The following TMEM132C variants were observed in gnomAD, a reference collection of about 807,000 sequenced individuals.
TMEM132C encodes the protein protein phosphatase 1, regulatory subunit 152.
Under a neutral mutation model 61.4 loss-of-function variants are expected in TMEM132C, and 29 were observed. The ratio of observed to expected loss-of-function variants is 0.47; its 90% CI spans 0.35 to 0.64. The LOEUF (loss-of-function observed/expected upper bound fraction) is 0.64. Ranked by LOEUF, TMEM132C falls within the 30% of genes least tolerant of loss-of-function variation. TMEM132C has a pLI of 0.00. For missense variants in TMEM132C, 1,408 were observed against 1,476.9 expected (o/e 0.95, Z 0.76); for synonymous variants, 656 against 633.1 (o/e 1.04, Z -0.54).
chr12:128,599,587 G>A (rs1876095783), intron 3 of TMEM132C, among the ~76,000 whole-genome samples: 1 of 152,214 alleles, frequency 6.6e-6, no homozygotes. Flanking sequence ...GATACCCCAG[G>A]AAGCTTTACC....
intron 3 of TMEM132C, among the ~76,000 whole-genome samples, chr12:128,547,946 C>T (rs1366418553): frequency 6.6e-6 from 1 of 152,176 alleles, no homozygotes; most frequent in Admixed American, 6.5e-5. Context: ...AGAGCATGCC[C>T]CCTGGCCCTT....
intron 1 of TMEM132C, among the ~76,000 whole-genome samples, chr12:128,358,357 A>G (rs1828835432): frequency 2.6e-5 from 4 of 152,190 alleles, no homozygotes. Flanking sequence ...CTGCTTTCTA[A>G]ATTTATGAAC....
intron 1 of TMEM132C, among the ~76,000 whole-genome samples, chr12:128,385,959 C>A (rs967105705): frequency 6.6e-6 from 1 of 152,114 alleles, no homozygotes; most frequent in East Asian, 1.9e-4. Flanking sequence ...ACCTCTTGAT[C>A]ACAGTGCTCC....
At chr12:128,652,854 A>G (rs892158209) in intron 4 of TMEM132C, among the ~76,000 whole-genome samples, 7 of 152,264 alleles carry the variant, frequency 4.6e-5, no homozygotes, top group Non-Finnish European at 7.3e-5. Flanking sequence ...TTAAAGAAAG[A>G]TAATTCGCCT....
intron 2 of TMEM132C, among the ~76,000 whole-genome samples, chr12:128,458,182 CAT>C (rs1343732630): frequency 1.4e-5 from 2 of 147,844 alleles, no homozygotes; most frequent in Non-Finnish European, 3.0e-5. Flanking sequence ...TAGAATATCT[CAT>C]ATTTATATTT....
At chr12:128,500,861 T>C (rs1872150776) in intron 2 of TMEM132C, among the ~76,000 whole-genome samples, 1 of 152,228 alleles carries the variant, frequency 6.6e-6, no homozygotes, top group Non-Finnish European at 1.5e-5. Flanking sequence ...TGAAACTATA[T>C]ATCTGTACCA....
chr12:128,377,642 G>A (rs1438206283), intron 1 of TMEM132C, among the ~76,000 whole-genome samples: 1 of 152,202 alleles, frequency 6.6e-6, no homozygotes, highest in African/African-American at 2.4e-5. Flanking sequence ...TCATATATGT[G>A]TATATAGGTG....
At chr12:128,520,158 C>T (rs776893668) in intron 2 of TMEM132C, among the ~76,000 whole-genome samples, 1 of 152,240 alleles carries the variant, frequency 6.6e-6, no homozygotes, top group Non-Finnish European at 1.5e-5. Flanking sequence ...TTCCCCTCTT[C>T]AGTGCTCTCA....
At chr12:128,336,394 T>C (rs181961684) in intron 1 of TMEM132C, among the ~76,000 whole-genome samples, 3 of 152,352 alleles carry the variant, frequency 2.0e-5, no homozygotes, top group Admixed American at 1.3e-4. Flanking sequence ...TTGCTGACAC[T>C]GTATGCCCAT....
At chr12:128,440,863 A>G (rs1395781042) in intron 2 of TMEM132C, among the ~76,000 whole-genome samples, 1 of 152,164 alleles carries the variant, frequency 6.6e-6, no homozygotes, top group East Asian at 1.9e-4. Flanking sequence ...AGCCTGGCCA[A>G]CATGGTGAAA....
chr12:128,336,241 A>T (rs566980509), intron 1 of TMEM132C, among the ~76,000 whole-genome samples: 2 of 152,348 alleles, frequency 1.3e-5, no homozygotes, highest in South Asian at 2.1e-4. Context: ...CTGCATTTTT[A>T]AAAAATATAT....
chr12:128,701,464 A>G (rs1477960816), intron 8 of TMEM132C, among the ~76,000 whole-genome samples: 1 of 152,186 alleles, frequency 6.6e-6, no homozygotes, highest in East Asian at 1.9e-4. Flanking sequence ...TTCATGTCCA[A>G]GCATTTGGAT....
chr12:128,553,830 G>A (rs1272688083), intron 3 of TMEM132C, among the ~76,000 whole-genome samples: 2 of 152,156 alleles, frequency 1.3e-5, no homozygotes, highest in Non-Finnish European at 2.9e-5. Context: ...TCAAAAGCTG[G>A]CACCAGATGA....
At chr12:128,622,354 A>T (rs1355388020) in intron 4 of TMEM132C, among the ~76,000 whole-genome samples, 1 of 66,272 alleles carries the variant, frequency 1.5e-5, no homozygotes. Context: ...AAAAAAAAAA[A>T]AAAAAAATAT....
intron 2 of TMEM132C, among the ~76,000 whole-genome samples, chr12:128,470,626 A>T (rs1177222285): frequency 6.6e-6 from 1 of 152,216 alleles, no homozygotes; most frequent in Non-Finnish European, 1.5e-5. Context: ...CCATTGATAC[A>T]TGAACTACAC....
At chr12:128,319,397 GTC>G (rs796572644) in intron 1 of TMEM132C, among the ~76,000 whole-genome samples, 1 of 151,430 alleles carries the variant, frequency 6.6e-6, no homozygotes, top group Admixed American at 6.6e-5. Context: ...GTGTGTGTGT[GTC>G]TGTCTGTTGG....
intron 2 of TMEM132C, among the ~76,000 whole-genome samples, chr12:128,540,848 C>T (rs904796057): frequency 1.2e-4 from 18 of 152,070 alleles, no homozygotes; most frequent in African/African-American, 3.9e-4. Flanking sequence ...CGTCAGGGCC[C>T]GCGGGTCGAG....
At chr12:128,699,452 G>T (rs919757009) in intron 8 of TMEM132C, among the ~76,000 whole-genome samples, 4 of 152,154 alleles carry the variant, frequency 2.6e-5, no homozygotes, top group Admixed American at 6.5e-5. Flanking sequence ...GACTGAGGTT[G>T]CCAATTCTTG....
At chr12:128,635,904 T>C (rs753149541) in intron 4 of TMEM132C, among the ~76,000 whole-genome samples, 7 of 152,142 alleles carry the variant, frequency 4.6e-5, no homozygotes, top group Non-Finnish European at 7.4e-5. Context: ...GGATAAGAGT[T>C]CTAAGTGCCA....
Sources: allele counts gnomAD v4.1 joint callset (sites outside exome capture counted in the v4.1 genomes callset), GRCh38; gene constraint gnomAD v4.1.1; transcripts MANE v1.5; gene names NCBI Gene and HGNC (gene_info 2026-07-23, HGNC 2026-07-21).